The following TFIP11 variants were observed in gnomAD, a reference collection of about 807,000 sequenced individuals.
TFIP11 encodes tuftelin interacting protein 11, also known as tuftelin-interacting protein 11.
TFIP11 carries 86 observed loss-of-function variants against 96.8 expected under a neutral mutation model. That is an observed-to-expected ratio of 0.89 (90% CI 0.75 to 1.06). TFIP11 has a LOEUF of 1.06. TFIP11 is among the 50% of genes least tolerant of loss of function. TFIP11 has a pLI of 0.00. For synonymous variants in TFIP11, 405 were observed against 395.2 expected (o/e 1.02, Z -0.29); for missense variants, 881 against 1,076.7 (o/e 0.82, Z 2.54).
In TFIP11 at chr22:26,494,619, G is replaced by C. The variant is rs915999541; in HGVS notation, c.1992+178C>G. 2.0e-5 allele frequency: 19 copies of C among 928,698 alleles called. 1 individual carries two copies. Among genetic ancestry groups the C allele is most frequent in the Admixed American group, 1.7e-4 (6 of 36,202 alleles). The allele number at this position is 928,698 out of a possible 1,614,324, so 57.5% of individuals were successfully genotyped here. ...AAATAAAGTGCTTGGAACAGCTTCT[G>C]ATACATGGCAAATGTCCAATAAATG... On this transcript the variant is annotated intron_variant, in intron 13 of 14. Transcript: ENST00000407690.
intron 2 of TFIP11, among the ~76,000 whole-genome samples, chr22:26,511,512 G>C (rs1924057429): frequency 1.3e-5 from 2 of 152,196 alleles, no homozygotes; most frequent in African/African-American, 2.4e-5. Flanking sequence ...GGACTAGGGA[G>C]TAAACTTAGC....
chr22:26,506,727 G>T, intron 5 of TFIP11, 48 bp downstream of exon 5: 1 of 1,598,710 alleles, frequency 6.3e-7, no homozygotes, highest in South Asian at 1.1e-5. Context: ...GGGCCACAAT[G>T]ACCTTTGAAG....
chr22:26,512,428 A>C lies in TFIP11; in HGVS notation c.-207T>G, dbSNP rs1258873246. On this transcript the variant is annotated 5_prime_UTR_variant, in exon 1 of 15. Transcript: ENST00000407690. ...GGTCCAGCGTACCAAATTCAGCTTC[A>C]CCATCCGCGCGAGAAGACGCCGCTC... 1 of 152,184 alleles carries C rather than the reference A, an allele frequency of 6.6e-6. No homozygotes were observed. The highest frequency in any genetic ancestry group is 6.6e-5 in the Admixed American group (1 of 15,266). The allele number at this position is 152,184 out of a possible 1,614,324, so 9.4% of individuals were successfully genotyped here.
chr22:26,497,682 C>T, intron 10 of TFIP11, among the ~76,000 whole-genome samples: 1 of 152,028 alleles, frequency 6.6e-6, no homozygotes, highest in Admixed American at 6.5e-5. Context: ...TCGAGACCAT[C>T]CTGGCCAACA....
chr22:26,510,879 C>CAGT (rs1923974315), intron 2 of TFIP11, among the ~76,000 whole-genome samples, 177 bp from the exon 3 acceptor site: 1 of 152,200 alleles, frequency 6.6e-6, no homozygotes, highest in South Asian at 2.1e-4. Flanking sequence ...ATCTACCTCA[C>CAGT]AGTAGCTGGG....
Position 26,503,730 on chromosome 22 carries a change from G to T in TFIP11, c.584C>A (p.Ser195Tyr). The change falls in exon 7 of 15, where the codon TCC becomes TAC. Residue 195 changes from serine (S) to tyrosine (Y), a missense_variant. Transcript: ENST00000407690. Reference protein sequence around the residue: ...KGKGAVGAYGSERTTQSMQDF... With the variant: ...KGKGAVGAYGYERTTQSMQDF... ...TTGCATGGACTGAGTGGTGCGCTCG[G>T]ATCCATAAGCCCCCACAGCACCTTT... The T allele has an allele frequency of 6.2e-7, 1 of 1,613,868 alleles. No homozygotes were observed. Among genetic ancestry groups the T allele is most frequent in the Non-Finnish European group, 8.5e-7 (1 of 1,179,994 alleles).
chr22:26,495,260 C>CTTTT lies in TFIP11; in HGVS notation c.1850-325_1850-322dup, dbSNP rs150268332. 3.7e-3 allele frequency among the ~76,000 whole-genome samples: 217 copies of CTTTT among 59,196 alleles called. 5 individuals carry two copies. The highest frequency in any genetic ancestry group is 6.4e-3 in the African/African-American group (86 of 13,524). The allele number at this position is 59,196 out of a possible 152,430, so 38.8% of individuals were successfully genotyped here. ...TACAGGCATAAGTCACAACTCCTGG[C>CTTTT]TTTTTTTTTTTTTTTTTTTTTTTTT... On this transcript the variant is annotated intron_variant, in intron 12 of 14. Coordinates refer to ENST00000407690, the MANE Select transcript of TFIP11 (RefSeq NM_012143.4).
chr22:26,496,709 C>T lies in TFIP11; in HGVS notation c.1605+12G>A. The T allele has an allele frequency of 6.2e-7, 1 of 1,612,846 alleles. No homozygotes were observed. The highest frequency in any genetic ancestry group is 8.5e-7 in the Non-Finnish European group (1 of 1,178,914). ...TAGTGATGACGACTGTTTCCCATGA[C>T]TCTCATCCCACCTCCTTTTGCAGCT... On this transcript the variant is annotated intron_variant, in intron 11 of 14. Coordinates refer to ENST00000407690, the MANE Select transcript of TFIP11 (RefSeq NM_012143.4).
intron 12 of TFIP11, among the ~76,000 whole-genome samples, chr22:26,495,490 G>A (rs1387700267): frequency 6.6e-6 from 1 of 151,184 alleles, no homozygotes; most frequent in African/African-American, 2.4e-5. Flanking sequence ...TGCTCAGGCT[G>A]TAATCTGCTT....
chr22:26,499,631 C>T lies in TFIP11; in HGVS notation c.802G>A (p.Val268Ile). The T allele has an allele frequency of 6.2e-7, 1 of 1,604,638 alleles. No homozygotes were observed. Among genetic ancestry groups the T allele is most frequent in the Admixed American group, 1.7e-5 (1 of 59,734 alleles). ...APQKELSQVK[V>I]IDMTGREQKV... ...TGCTCCCGGCCTGTCATGTCTATGA[C>T]CTTGGAAAACATAGAGGGATGAAGG... Residue 268 changes from valine (V) to isoleucine (I), a missense_variant and splice_region_variant, in exon 9 of 15, where the codon GTC (valine) becomes ATC (isoleucine). By Grantham distance (29) the Val-to-Ile change is conservative. Transcript: ENST00000407690.
rs1251063372 is a variant in TFIP11 at position 26,494,369 on chromosome 22, G to C, written c.1993-65C>G. 2.5e-6 allele frequency: 4 copies of C among 1,595,728 alleles called. No individual in the cohort carries two copies. The African/African-American group carries it at 5.4e-5, about 21-fold the overall frequency. On this transcript the variant is annotated intron_variant, in intron 13 of 14. Transcript: ENST00000407690. ...AAATGAAGGCAAGATTTCTGAAGTGGCCATTTGTTTTGTTTTGATCCTGGT... is the reference window on the plus strand; with the variant it reads ...AAATGAAGGCAAGATTTCTGAAGTGCCCATTTGTTTTGTTTTGATCCTGGT...
chr22:26,501,194 C>T (rs1389964967), intron 8 of TFIP11, among the ~76,000 whole-genome samples: 1 of 152,228 alleles, frequency 6.6e-6, no homozygotes, highest in African/African-American at 2.4e-5. Context: ...TAATGGAAAA[C>T]TTAATACACT....
At chr22:26,496,436 T>C in intron 11 of TFIP11, 120 bp from the exon 12 acceptor site, 1 of 1,348,584 alleles carries the variant, frequency 7.4e-7, no homozygotes, top group Non-Finnish European at 1.0e-6. Flanking sequence ...AGGCCCACAG[T>C]CCTTTGTACA....
At chr22:26,507,250 A>G (rs1923534513) in intron 4 of TFIP11, among the ~76,000 whole-genome samples, 1 of 152,266 alleles carries the variant, frequency 6.6e-6, no homozygotes, top group African/African-American at 2.4e-5. Context: ...TATCATAAAA[A>G]GCAATTGTTT....
intron 7 of TFIP11, among the ~76,000 whole-genome samples, chr22:26,502,427 G>A (rs917691848): frequency 6.6e-6 from 1 of 152,150 alleles, no homozygotes; most frequent in Non-Finnish European, 1.5e-5. Flanking sequence ...ACAAAACCTT[G>A]TTTCTAACTT....
chr22:26,499,861 A>T (rs1275749410), intron 8 of TFIP11, among the ~76,000 whole-genome samples: 5 of 152,252 alleles, frequency 3.3e-5, no homozygotes, highest in Admixed American at 1.3e-4. Flanking sequence ...ACTGTGAACA[A>T]GCCAGATGGA....
intron 14 of TFIP11, chr22:26,492,799 C>T (rs1921381514): frequency 5.5e-6 from 1 of 180,922 alleles, no homozygotes; most frequent in Non-Finnish European, 1.2e-5. Flanking sequence ...GGGCCCCCAT[C>T]CTGAAAGAAG....
intron 8 of TFIP11, among the ~76,000 whole-genome samples, chr22:26,500,447 G>C (rs1345287063): frequency 1.3e-5 from 2 of 152,180 alleles, no homozygotes; most frequent in African/African-American, 4.8e-5. Context: ...GGGATTACAG[G>C]CATGAGCCAC....
At chr22:26,496,374 C>G (rs1000667492) in intron 11 of TFIP11, 58 bp from the exon 12 acceptor site, 3 of 1,535,106 alleles carry the variant, frequency 2.0e-6, no homozygotes, top group Non-Finnish European at 1.8e-6. Flanking sequence ...ACATAACACC[C>G]CTGTGTGGCT....
Sources: gnomAD v4.1 joint callset for allele counts (sites outside exome capture counted in the v4.1 genomes callset) on GRCh38, gnomAD v4.1.1 for gene constraint, MANE v1.5 for transcripts, NCBI Gene and HGNC (gene_info 2026-07-23, HGNC 2026-07-21) for gene names.